CKMT2: variants seen among roughly 807,000 people sequenced by gnomAD.
The protein encoded by CKMT2 is creatine kinase, mitochondrial 2.
CKMT2 carries 43 observed loss-of-function variants against 48.9 expected under a neutral mutation model. The observed-to-expected ratio is 0.88, with a 90% CI of 0.69 to 1.13. The LOEUF (loss-of-function observed/expected upper bound fraction) is 1.13, where lower values mean the gene tolerates loss of function less well. CKMT2 is among the 50% of genes most tolerant of loss of function. The probability of loss-of-function intolerance (pLI) is 0.00; values close to 1 mark genes in which losing one functional copy is unlikely to be tolerated. For missense variants in CKMT2, 472 were observed against 555.4 expected (o/e 0.85, Z 1.51); for synonymous variants, 206 against 213.0 (o/e 0.97, Z 0.29).
chr5:81,257,561 C>CA (rs768609986), intron 6 of CKMT2, among the ~76,000 whole-genome samples, 172 bp from the exon 7 acceptor site: 2 of 152,274 alleles, frequency 1.3e-5, no homozygotes, highest in Non-Finnish European at 2.9e-5. Flanking sequence ...AATCTTCCTT[C>CA]TGTCAAAGTA....
chr5:81,256,060 G>C (rs1294163634), intron 5 of CKMT2, among the ~76,000 whole-genome samples: 1 of 152,100 alleles, frequency 6.6e-6, no homozygotes, highest in Non-Finnish European at 1.5e-5. Context: ...CTTAGAGACT[G>C]CAGGACTCCT....
chr5:81,264,939 A>G (rs1203527917), intron 9 of CKMT2, among the ~76,000 whole-genome samples: 1 of 152,188 alleles, frequency 6.6e-6, no homozygotes, highest in Non-Finnish European at 1.5e-5. Flanking sequence ...CCAATGCATT[A>G]TATCATGAAC....
At chr5:81,254,185 G>C (rs1005984154) in intron 3 of CKMT2, among the ~76,000 whole-genome samples, 5 of 152,116 alleles carry the variant, frequency 3.3e-5, no homozygotes, top group Non-Finnish European at 7.3e-5. Flanking sequence ...GGGGCAAGAT[G>C]CCTTCAAAAG....
At chr5:81,252,362 G>A (rs545876687) in intron 2 of CKMT2, 307 of 293,694 alleles carry the variant, frequency 1.0e-3, no homozygotes, top group Non-Finnish European at 1.7e-3. Context: ...TTGAGGCTGT[G>A]GTGGTCCTAA....
At chr5:81,249,044 T>C (rs1460433048) in intron 1 of CKMT2, among the ~76,000 whole-genome samples, 1 of 150,974 alleles carries the variant, frequency 6.6e-6, no homozygotes, top group Admixed American at 6.6e-5. Flanking sequence ...ATGAGGGAAA[T>C]CCATGCTCTT....
intron 1 of CKMT2, among the ~76,000 whole-genome samples, chr5:81,244,592 AT>A (rs1417629813): frequency 2.6e-5 from 4 of 152,216 alleles, no homozygotes; most frequent in Non-Finnish European, 5.9e-5. Context: ...AAAACTGTGG[AT>A]AAGAGACTTC....
chr5:81,237,720 T>C (rs148059284), intron 1 of CKMT2: 11 of 152,326 alleles, frequency 7.2e-5, no homozygotes, highest in Non-Finnish European at 1.0e-4. Flanking sequence ...TATCCTTCAA[T>C]ACTTTTATGT....
rs895488395 is a variant in CKMT2 at position 81,242,794 on chromosome 5, C to T, written c.-20-8319C>T. 3.9e-5 allele frequency among the ~76,000 whole-genome samples: 6 copies of T among 152,162 alleles called. No individual in the cohort carries two copies. The East Asian group carries it at 7.7e-4, about 20-fold the overall frequency. ...AAATGAGTTAAGAGCTAGGGAATTT[C>T]TGGAACTTCCATATCTATTTTTTGG... is the stretch of plus-strand genomic sequence containing the variant. On this transcript the variant is annotated intron_variant, in intron 1 of 9. Coordinates refer to ENST00000254035, the MANE Select transcript of CKMT2 (RefSeq NM_001099735.2).
chr5:81,255,342 C>A, intron 5 of CKMT2, 128 bp downstream of exon 5: 3 of 777,904 alleles, frequency 3.9e-6, no homozygotes, highest in South Asian at 1.6e-5. Flanking sequence ...CACCCCTGAG[C>A]TCAGCCCAAG....
intron 6 of CKMT2, among the ~76,000 whole-genome samples, 168 bp downstream of exon 6, chr5:81,257,168 G>A (rs1757042194): frequency 1.6e-5 from 2 of 127,802 alleles, no homozygotes; most frequent in Admixed American, 7.9e-5. Flanking sequence ...GTGTGTGTGT[G>A]TGTGTGTGTG....
intron 1 of CKMT2, chr5:81,250,884 A>C: frequency 6.4e-6 from 2 of 312,442 alleles, no homozygotes; most frequent in Non-Finnish European, 1.2e-5. Context: ...ATTATGTCTA[A>C]AACTACCCAG....
At chr5:81,264,854 A>C (rs1476470689) in intron 9 of CKMT2, among the ~76,000 whole-genome samples, 1 of 152,176 alleles carries the variant, frequency 6.6e-6, no homozygotes, top group Non-Finnish European at 1.5e-5. Context: ...CTTTTTAAAA[A>C]CTACCCAAAA....
chr5:81,261,286 A>T (rs543249343), intron 8 of CKMT2, among the ~76,000 whole-genome samples: 44 of 152,346 alleles, frequency 2.9e-4, no homozygotes, highest in Admixed American at 1.2e-3. Flanking sequence ...TCCCTTTGAA[A>T]ACTGCACAAG....
chr5:81,234,100 G>A (rs1363732060), intron 1 of CKMT2, among the ~76,000 whole-genome samples: 1 of 129,684 alleles, frequency 7.7e-6, no homozygotes, highest in Non-Finnish European at 1.6e-5. Flanking sequence ...TTCTTCACTA[G>A]CTTGCTTGCT....
chr5:81,259,123 G>T lies in CKMT2; in HGVS notation c.883G>T (p.Glu295Ter), dbSNP rs1156357166. The change falls in exon 8 of 10, where the codon GAA becomes TAA. Residue 295 changes from glutamate (E) to a stop codon, truncating the protein, a stop_gained. Coordinates refer to ENST00000254035, the MANE Select transcript of CKMT2 (RefSeq NM_001099735.2). LOFTEE classifies it high-confidence loss of function. ...TTCACTGTGGTTCTACTTGTAGGTA[G>T]AACGGTTAATCCAAGAACGAGGCTG... ...ERFCRGLKEVERLIQERGWEF... is the reference protein window; with the variant it reads ...ERFCRGLKEV 6.2e-7 allele frequency: 1 copy of T among 1,612,540 alleles called. No homozygotes were observed. Among genetic ancestry groups the T allele is most frequent in the African/African-American group, 1.3e-5 (1 of 74,910 alleles).
chr5:81,265,336 AAG>A (rs1435132614), intron 9 of CKMT2, among the ~76,000 whole-genome samples: 3 of 152,202 alleles, frequency 2.0e-5, no homozygotes, highest in Non-Finnish European at 4.4e-5. Flanking sequence ...TATGCATATA[AAG>A]AGATAGATAG....
At position 81,259,757 on chromosome 5, in the gene CKMT2, G is replaced by A. The variant is rs183289282; in HGVS notation, c.1014+503G>A. 1.1e-3 allele frequency among the ~76,000 whole-genome samples: 163 copies of A among 152,282 alleles called. 1 individual carries two copies. Among genetic ancestry groups the A allele is most frequent in the East Asian group, 1.7e-3 (9 of 5,184 alleles). On this transcript the variant is annotated intron_variant, in intron 8 of 9. Coordinates refer to ENST00000254035, the MANE Select transcript of CKMT2 (RefSeq NM_001099735.2). ...TCTTAGAGACCTACAATGAGACTTAGACTCCCACACAATAACAGTGAGAGA... is the reference window on the plus strand; with the variant it reads ...TCTTAGAGACCTACAATGAGACTTAAACTCCCACACAATAACAGTGAGAGA...
intron 1 of CKMT2, among the ~76,000 whole-genome samples, chr5:81,234,364 T>C (rs760727319): frequency 3.3e-5 from 5 of 152,176 alleles, no homozygotes; most frequent in Non-Finnish European, 5.9e-5. Flanking sequence ...ACCAGTGTGC[T>C]GTTTCCAGAA....
Position 81,254,492 on chromosome 5 carries a change from G to A in CKMT2, c.447+1G>A, listed in dbSNP as rs1451580753. 1.5e-5 allele frequency: 24 copies of A among 1,613,484 alleles called. No homozygotes were observed. Among genetic ancestry groups the A allele is most frequent in the East Asian group, 2.2e-5 (1 of 44,864 alleles). ...CACAACGGATCTGGATGCATCAAAG[G>A]TAGGCTCCAGCCTCCCTCTCCTTCC... On this transcript the variant is annotated splice_donor_variant, in intron 4 of 9. Coordinates refer to ENST00000254035, the MANE Select transcript of CKMT2 (RefSeq NM_001099735.2). LOFTEE classifies it high-confidence loss of function.
Sources: allele counts gnomAD v4.1 joint callset (sites outside exome capture counted in the v4.1 genomes callset), GRCh38; gene constraint gnomAD v4.1.1; transcripts MANE v1.5; gene names NCBI Gene and HGNC (gene_info 2026-07-23, HGNC 2026-07-21).